The following LRRIQ1 variants were observed in gnomAD, a reference collection of about 807,000 sequenced individuals.
The protein encoded by LRRIQ1 is leucine-rich repeat- and IQ domain-containing protein 1.
In LRRIQ1, 210 loss-of-function variants were observed where a neutral mutation model predicts 211.9. That is an observed-to-expected ratio of 0.99 (90% CI 0.89 to 1.11). The LOEUF is 1.11. Among genes scored for constraint, LRRIQ1 ranks in the 50% most tolerant of loss-of-function variants. LRRIQ1 has a pLI of 0.00. For missense variants in LRRIQ1, 2,136 were observed against 1,939.5 expected, an observed-to-expected ratio of 1.10 and a Z score of -1.90; for synonymous variants, 699 against 650.1, an observed-to-expected ratio of 1.08 and a Z score of -1.14.
intron 25 of LRRIQ1, among the ~76,000 whole-genome samples, chr12:85,232,104 T>C (rs1894970072): frequency 6.6e-6 from 1 of 152,084 alleles, no homozygotes. Flanking sequence ...CCCTTACTCA[T>C]AAATAAGTTA....
At chr12:85,190,733 T>C (rs1892470523) in intron 24 of LRRIQ1, among the ~76,000 whole-genome samples, 1 of 151,916 alleles carries the variant, frequency 6.6e-6, no homozygotes, top group Non-Finnish European at 1.5e-5. Context: ...AATAATAATG[T>C]GGGCCTCTCG....
At chr12:85,236,318 G>C (rs1454825465) in intron 26 of LRRIQ1, among the ~76,000 whole-genome samples, 1 of 152,058 alleles carries the variant, frequency 6.6e-6, no homozygotes, top group Non-Finnish European at 1.5e-5. Context: ...AAGGTTAACA[G>C]GTATATGACT....
intron 8 of LRRIQ1, among the ~76,000 whole-genome samples, chr12:85,059,412 G>A (rs1592716376): frequency 6.6e-6 from 1 of 151,984 alleles, no homozygotes; most frequent in Admixed American, 6.6e-5. Flanking sequence ...ATCTGGCAAC[G>A]TGGTACACTG....
intron 24 of LRRIQ1, among the ~76,000 whole-genome samples, chr12:85,179,455 T>C (rs568329084): frequency 1.3e-5 from 2 of 152,104 alleles, no homozygotes; most frequent in Non-Finnish European, 1.5e-5. Context: ...CAAAGGATAC[T>C]ATTACAATAT....
chr12:85,160,539 A>T (rs1890807787), intron 23 of LRRIQ1, 74 bp from the exon 24 acceptor site: 4 of 849,772 alleles, frequency 4.7e-6, no homozygotes, highest in South Asian at 1.9e-5. Flanking sequence ...ACCACCATAT[A>T]AGAAATATGT....
intron 15 of LRRIQ1, among the ~76,000 whole-genome samples, chr12:85,114,327 G>A (rs375614985): frequency 6.6e-5 from 10 of 152,120 alleles, no homozygotes; most frequent in South Asian, 6.2e-4. Flanking sequence ...TTCAGAGCAC[G>A]TCCTTTTAGG....
At chr12:85,142,118 T>A (rs527749393) in intron 19 of LRRIQ1, among the ~76,000 whole-genome samples, 1 of 151,656 alleles carries the variant, frequency 6.6e-6, no homozygotes, top group South Asian at 2.1e-4. Flanking sequence ...AAATATGCCA[T>A]TTTGTTAGCA....
chr12:85,106,487 GAT>G, intron 14 of LRRIQ1, 33 bp from the exon 15 acceptor site: 1 of 1,400,914 alleles, frequency 7.1e-7, no homozygotes, highest in Non-Finnish European at 1.0e-6. Flanking sequence ...CTAAATCTGT[GAT>G]GATACCTTTC....
chr12:85,121,804 G>A lies in LRRIQ1; in HGVS notation c.3485G>A (p.Gly1162Asp), dbSNP rs771296133. 44 of 1,607,102 alleles carry A rather than the reference G, an allele frequency of 2.7e-5. No homozygotes were observed. In the Admixed American group the frequency reaches 2.9e-4, roughly 11 times the overall value. ...GAACACAATCAACTGGGATCAGCAG[G>A]TTTCCTGGCACTTTGTCAGTCTCAG... ...TEEHNQLGSAGFLALCQSQIR... is the reference protein window; with the variant it reads ...TEEHNQLGSADFLALCQSQIR... Residue 1162 changes from glycine to aspartate, a missense_variant, in exon 16 of 27, where the codon GGT becomes GAT. By Grantham distance (94) the Gly-to-Asp change is moderately conservative. Coordinates refer to ENST00000393217, the MANE Select transcript of LRRIQ1 (RefSeq NM_001079910.2).
At chr12:85,266,342 CAAAAT>C (rs1407808380), downstream of LRRIQ1, among the ~76,000 whole-genome samples, 1 of 151,906 alleles carries the variant, frequency 6.6e-6, no homozygotes, top group African/African-American at 2.4e-5. Context: ...CTAAAAGACA[CAAAAT>C]ATAAGAGCCA....
In LRRIQ1 at chr12:85,098,865, A is replaced by C. The variant is rs777789439; in HGVS notation, c.3082-2A>C. ...AAACTAATGAACCAAATTTAAATAT[A>C]GCTTCCATCCTTGGAGAATCTTGTT... On this transcript the variant is annotated splice_acceptor_variant, in intron 12 of 26. Transcript: ENST00000393217. LOFTEE classifies it high-confidence loss of function. 11 of 1,543,672 alleles carry C rather than the reference A, an allele frequency of 7.1e-6. No homozygotes were observed. The highest frequency in any genetic ancestry group is 9.6e-6 in the Non-Finnish European group (11 of 1,145,172).
rs777789439 is a variant in LRRIQ1, at chr12:85,098,865, A to G, written c.3082-2A>G. On this transcript the variant is annotated splice_acceptor_variant, in intron 12 of 26. Coordinates refer to ENST00000393217, the MANE Select transcript of LRRIQ1 (RefSeq NM_001079910.2). LOFTEE classifies it high-confidence loss of function. ...AAACTAATGAACCAAATTTAAATATAGCTTCCATCCTTGGAGAATCTTGTT... is the reference window on the plus strand; with the variant it reads ...AAACTAATGAACCAAATTTAAATATGGCTTCCATCCTTGGAGAATCTTGTT... 4 of 1,543,554 alleles carry G rather than the reference A, an allele frequency of 2.6e-6. No homozygotes were observed. The highest frequency in any genetic ancestry group is 3.5e-6 in the Non-Finnish European group (4 of 1,145,180).
At chr12:85,169,232 A>G (rs1419806185) in intron 24 of LRRIQ1, among the ~76,000 whole-genome samples, 1 of 152,176 alleles carries the variant, frequency 6.6e-6, no homozygotes, top group Non-Finnish European at 1.5e-5. Context: ...AAATAGCAAA[A>G]TCTTGTAATC....
At chr12:85,238,464 A>G (rs1244624323) in intron 26 of LRRIQ1, among the ~76,000 whole-genome samples, 1 of 152,092 alleles carries the variant, frequency 6.6e-6, no homozygotes, top group African/African-American at 2.4e-5. Context: ...AACAAGAAAG[A>G]AAAAAATTTA....
intron 1 of LRRIQ1, among the ~76,000 whole-genome samples, chr12:85,254,907 A>G (rs983380888): frequency 1.3e-5 from 2 of 152,022 alleles, no homozygotes; most frequent in South Asian, 2.1e-4. Flanking sequence ...ACAGAAATTT[A>G]GCAAGATAAG....
intron 14 of LRRIQ1, among the ~76,000 whole-genome samples, chr12:85,105,263 A>C (rs1886687062): frequency 6.6e-6 from 1 of 151,762 alleles, no homozygotes; most frequent in African/African-American, 2.4e-5. Flanking sequence ...TAAAATTTTC[A>C]CTCCCAGGTT....
chr12:85,082,203 T>A (rs973343270), intron 11 of LRRIQ1, among the ~76,000 whole-genome samples: 2 of 152,190 alleles, frequency 1.3e-5, no homozygotes, highest in African/African-American at 4.8e-5. Flanking sequence ...ATTTCAGTAA[T>A]TTGAAGTATC....
At chr12:85,046,284 T>C (rs1037021299) in intron 5 of LRRIQ1, 147 bp downstream of exon 5, 6 of 536,614 alleles carry the variant, frequency 1.1e-5, no homozygotes, top group East Asian at 5.7e-5. Flanking sequence ...GCTATACTTA[T>C]TAAATTACAT....
intron 1 of LRRIQ1, among the ~76,000 whole-genome samples, chr12:85,262,434 A>T (rs1896326077): frequency 2.6e-5 from 4 of 152,112 alleles, no homozygotes; most frequent in Admixed American, 2.6e-4. Context: ...ATATCTTGAT[A>T]TTCTAGATCT....
Sources: gnomAD v4.1 joint callset for allele counts (sites outside exome capture counted in the v4.1 genomes callset) on GRCh38, gnomAD v4.1.1 for gene constraint, MANE v1.5 for transcripts, NCBI Gene and HGNC (gene_info 2026-07-23, HGNC 2026-07-21) for gene names.